ANKRD13C: variants seen among roughly 807,000 people sequenced by gnomAD.
ANKRD13C encodes ankyrin repeat domain 13C, also known as ankyrin repeat domain-containing protein 13C.
Under a neutral mutation model 65.5 loss-of-function variants are expected in ANKRD13C, and 16 were observed. That is an observed-to-expected ratio of 0.24 (90% CI 0.17 to 0.37). The LOEUF is 0.37. Ranked by LOEUF, ANKRD13C falls within the 10% of genes least tolerant of loss-of-function variation. The pLI is 1.00. For synonymous variants in ANKRD13C, 235 were observed against 238.7 expected, an observed-to-expected ratio of 0.98 and a Z score of 0.14; for missense variants, 503 against 655.9, an observed-to-expected ratio of 0.77 and a Z score of 2.55.
chr1:70,273,289 A>G (rs924459644), intron 11 of ANKRD13C, among the ~76,000 whole-genome samples: 1 of 152,174 alleles, frequency 6.6e-6, no homozygotes, highest in Non-Finnish European at 1.5e-5. Context: ...GTTAAAAAAA[A>G]TTAATGCATT....
rs1018716021 is a variant in ANKRD13C, at chr1:70,262,709, C to T, written c.*8G>A. On this transcript the variant is annotated 3_prime_UTR_variant, in exon 13 of 13. Coordinates refer to ENST00000370944, the MANE Select transcript of ANKRD13C (RefSeq NM_030816.5). Reference sequence around the variant, plus strand: ...TCCTTGGTTAGACGGCATCCTTTTCCACGTCAGTTAAAGATCAGGAAAACG... The same window carrying T: ...TCCTTGGTTAGACGGCATCCTTTTCTACGTCAGTTAAAGATCAGGAAAACG... The T allele has an allele frequency of 5.6e-6, 9 of 1,609,668 alleles. No individual in the cohort carries two copies. In the Admixed American group the frequency reaches 8.4e-5, roughly 15 times the overall value.
At position 70,331,981 on chromosome 1, in the gene ANKRD13C, T is replaced by A. The variant is rs1333184651; in HGVS notation, c.472+4077A>T. 3.9e-5 allele frequency among the ~76,000 whole-genome samples: 6 copies of A among 151,982 alleles called. No individual in the cohort carries two copies. The South Asian group carries it at 6.2e-4, about 16-fold the overall frequency. ...TTAAAAAGAGAATTATACAAACACA[T>A]ACATAAAGATCATAAGAAAAAAAGC... On this transcript the variant is annotated intron_variant, in intron 2 of 12. Transcript: ENST00000370944.
chr1:70,306,323 C>T, intron 5 of ANKRD13C, 33 bp from the exon 6 acceptor site: 1 of 1,398,700 alleles, frequency 7.1e-7, no homozygotes, highest in Non-Finnish European at 9.7e-7. Context: ...TAAAAAATAA[C>T]TACCTAAATT....
intron 3 of ANKRD13C, among the ~76,000 whole-genome samples, chr1:70,318,075 C>T (rs569627263): frequency 1.3e-5 from 2 of 152,286 alleles, no homozygotes; most frequent in Non-Finnish European, 2.9e-5. Flanking sequence ...ATTCCCTTTT[C>T]TATATGACTT....
chr1:70,280,247 T>TAAAC (rs953297229), intron 9 of ANKRD13C, among the ~76,000 whole-genome samples: 11 of 152,214 alleles, frequency 7.2e-5, no homozygotes, highest in Admixed American at 7.2e-4. Context: ...CAGAATGATA[T>TAAAC]AAACATGCAC....
In ANKRD13C at chr1:70,262,001, C is replaced by T. The variant is rs1385022235; in HGVS notation, c.*716G>A. On this transcript the variant is annotated 3_prime_UTR_variant, in exon 13 of 13. Coordinates refer to ENST00000370944, the MANE Select transcript of ANKRD13C (RefSeq NM_030816.5). ...CTATGAAAGGAAGATTAGTAACAAACATTCAGGTAAAAACAAATAGCACCA... is the reference window on the plus strand; with the variant it reads ...CTATGAAAGGAAGATTAGTAACAAATATTCAGGTAAAAACAAATAGCACCA... 1 of 151,566 alleles carries T rather than the reference C, an allele frequency of 6.6e-6. No individual in the cohort carries two copies. Among genetic ancestry groups the T allele is most frequent in the Non-Finnish European group, 1.5e-5 (1 of 67,712 alleles). 9.4% of individuals were successfully genotyped at this position (151,566 alleles called of 1,614,324 possible).
At chr1:70,266,870 T>TA (rs1316243312) in intron 12 of ANKRD13C, among the ~76,000 whole-genome samples, 2 of 152,210 alleles carry the variant, frequency 1.3e-5, no homozygotes, top group Admixed American at 6.5e-5. Flanking sequence ...TCTACCTTGG[T>TA]ATATGTTCCA....
In ANKRD13C at chr1:70,300,827, C is replaced by T. The variant is rs138861589; in HGVS notation, c.858G>A (p.Ala286=). Residue 286 remains alanine (A), a synonymous_variant, in exon 7 of 13, where the codon GCG becomes GCA. Transcript: ENST00000370944. ...DLSFIFNGDA[A]PSESFVVLDN... ...CTAATACTACAAAAGATTCAGAGGG[C>T]GCCGCATCCCCATTGAAAATGAAGC... is the stretch of plus-strand genomic sequence containing the variant. 1.6e-4 allele frequency: 262 copies of T among 1,613,006 alleles called. No individual in the cohort carries two copies. Among genetic ancestry groups the T allele is most frequent in the Non-Finnish European group, 1.9e-4 (225 of 1,179,706 alleles).
chr1:70,326,673 A>G (rs543076704), intron 2 of ANKRD13C, among the ~76,000 whole-genome samples: 1 of 152,170 alleles, frequency 6.6e-6, no homozygotes, highest in South Asian at 2.1e-4. Flanking sequence ...TGTTGTTTGT[A>G]TGGCAATTAT....
intron 10 of ANKRD13C, among the ~76,000 whole-genome samples, chr1:70,275,339 C>T (rs1572032513): frequency 1.3e-5 from 2 of 152,038 alleles, no homozygotes; most frequent in African/African-American, 4.8e-5. Context: ...ATAGAATGAG[C>T]GTTCCAATAA....
At chr1:70,347,633 T>C (rs1160147910) in intron 1 of ANKRD13C, among the ~76,000 whole-genome samples, 1 of 152,122 alleles carries the variant, frequency 6.6e-6, no homozygotes, top group Non-Finnish European at 1.5e-5. Context: ...ATCACAACAT[T>C]TGTAAGCAGT....
At chr1:70,284,391 C>T (rs894844907) in intron 9 of ANKRD13C, among the ~76,000 whole-genome samples, 1 of 151,660 alleles carries the variant, frequency 6.6e-6, no homozygotes, top group East Asian at 1.9e-4. Context: ...AATAATTCTC[C>T]AAAATCAAAA....
At chr1:70,315,438 A>G (rs1221232699) in intron 4 of ANKRD13C, 43 bp downstream of exon 4, 3 of 1,514,620 alleles carry the variant, frequency 2.0e-6, no homozygotes, top group East Asian at 2.3e-5. Flanking sequence ...CTACACTTAT[A>G]ATTACTTCCA....
At chr1:70,350,517 A>G (rs1682702095) in intron 1 of ANKRD13C, among the ~76,000 whole-genome samples, 1 of 152,244 alleles carries the variant, frequency 6.6e-6, no homozygotes, top group African/African-American at 2.4e-5. Context: ...GGGCCGTTAT[A>G]TAAAAAAGAA....
Position 70,296,229 on chromosome 1 carries a change from A to G in ANKRD13C, c.954T>C (p.Asp318=). 1 of 1,613,838 alleles carries G rather than the reference A, an allele frequency of 6.2e-7. No homozygotes were observed. Among genetic ancestry groups the G allele is most frequent in the Non-Finnish European group, 8.5e-7 (1 of 1,179,908 alleles). The change falls in exon 8 of 13, where the codon GAT becomes GAC. Residue 318 remains aspartate, a synonymous_variant. Coordinates refer to ENST00000370944, the MANE Select transcript of ANKRD13C (RefSeq NM_030816.5). ...AGTAAATATCACTGCTCATTAAAAT[A>G]TCCACCTCTTCTTCTGTTTCCATCT... is the stretch of plus-strand genomic sequence containing the variant. ...ESEMETEEEV[D]ILMSSDIYSA...
intron 12 of ANKRD13C, among the ~76,000 whole-genome samples, chr1:70,268,351 A>G (rs1678723968): frequency 6.6e-6 from 1 of 152,134 alleles, no homozygotes; most frequent in Non-Finnish European, 1.5e-5. Context: ...TAGTAGAGAC[A>G]GAGTTTCACC....
At chr1:70,281,239 G>A (rs1455014338) in intron 9 of ANKRD13C, among the ~76,000 whole-genome samples, 1 of 152,002 alleles carries the variant, frequency 6.6e-6, no homozygotes, top group East Asian at 1.9e-4. Context: ...TCACTGATGA[G>A]ATGTCAGAGA....
intron 2 of ANKRD13C, among the ~76,000 whole-genome samples, chr1:70,332,304 A>G (rs938647210): frequency 1.3e-5 from 2 of 152,232 alleles, no homozygotes; most frequent in Non-Finnish European, 2.9e-5. Flanking sequence ...GTTCCACAAC[A>G]AAGAAAACTT....
chr1:70,308,607 C>T (rs1377889079), intron 5 of ANKRD13C, among the ~76,000 whole-genome samples: 11 of 151,596 alleles, frequency 7.3e-5, no homozygotes, highest in Non-Finnish European at 1.5e-4. Flanking sequence ...GGTGTGGTGG[C>T]GGGCGCCTGT....
Sources: allele counts gnomAD v4.1 joint callset (sites outside exome capture counted in the v4.1 genomes callset), GRCh38; gene constraint gnomAD v4.1.1; transcripts MANE v1.5; gene names NCBI Gene and HGNC (gene_info 2026-07-23, HGNC 2026-07-21).